The following LOC728392 variants were observed in gnomAD, a reference collection of about 807,000 sequenced individuals.
chr17:5,499,795 T>G, the LOC728392 span: 1 of 985,522 alleles, frequency 1.0e-6, no homozygotes, highest in Non-Finnish European at 1.2e-6. Context: ...GCCCCCAGAG[T>G]CTCATCCTCA....
At chr17:5,500,443 T>C in the LOC728392 span, 1 of 1,138,802 alleles carries the variant, frequency 8.8e-7, no homozygotes, top group African/African-American at 1.7e-5. This position sits in a 1 kb window ranked among gnomAD's most constrained non-coding sequence, Gnocchi z 5.4. Context: ...TTCGTACTGA[T>C]AGACAAAGAT....
chr17:5,500,851 C>A, the LOC728392 span: 1 of 1,228,922 alleles, frequency 8.1e-7, no homozygotes, highest in South Asian at 1.4e-5. The surrounding 1 kb of genome is among the most constrained non-coding windows in gnomAD (Gnocchi z 5.4). Flanking sequence ...CCGCGGGCAG[C>A]GGGAGGGTCT....
the LOC728392 span, chr17:5,499,445 ATAAT>A: frequency 6.6e-6 from 1 of 152,242 alleles, no homozygotes; most frequent in Admixed American, 6.5e-5. Flanking sequence ...ACTGAAAAAG[ATAAT>A]TTATTCCATC....
At chr17:5,500,258 A>G in the LOC728392 span, 1 of 998,110 alleles carries the variant, frequency 1.0e-6, no homozygotes, top group Non-Finnish European at 1.2e-6. This position sits in a 1 kb window ranked among gnomAD's most constrained non-coding sequence, Gnocchi z 5.4. Flanking sequence ...TGAGCTCCCC[A>G]AACACAAAAT....
chr17:5,500,000 G>A, the LOC728392 span: 12 of 986,006 alleles, frequency 1.2e-5, 1 homozygote, highest in South Asian at 3.8e-4. Flanking sequence ...CCCTGGGGGC[G>A]CAGCACGACA....
At chr17:5,500,288 C>T in the LOC728392 span, 436 of 999,448 alleles carry the variant, frequency 4.4e-4, 1 homozygote, top group Non-Finnish European at 4.7e-4. This position sits in a 1 kb window ranked among gnomAD's most constrained non-coding sequence, Gnocchi z 5.4. Context: ...CCTGCGCGTG[C>T]CCCCACGTCA....
the LOC728392 span, chr17:5,500,360 T>C: frequency 3.8e-6 from 4 of 1,048,320 alleles, no homozygotes; most frequent in African/African-American, 7.0e-5. This position sits in a 1 kb window ranked among gnomAD's most constrained non-coding sequence, Gnocchi z 5.4. Context: ...ACCCCAAAAT[T>C]CTAAACGCCT....
At chr17:5,500,315 C>T in the LOC728392 span, 4 of 1,042,554 alleles carry the variant, frequency 3.8e-6, no homozygotes, top group Non-Finnish European at 4.6e-6. This position sits in a 1 kb window ranked among gnomAD's most constrained non-coding sequence, Gnocchi z 5.4. Flanking sequence ...GGTAGGGGTC[C>T]AGGGGCATTC....
the LOC728392 span, chr17:5,499,677 T>C: frequency 2.6e-6 from 2 of 766,690 alleles, no homozygotes; most frequent in Non-Finnish European, 1.6e-6. Flanking sequence ...CAATGAGAAA[T>C]CCCTCAGCCC....
At chr17:5,501,002 G>C in the LOC728392 span, 2 of 1,182,304 alleles carry the variant, frequency 1.7e-6, no homozygotes, top group Non-Finnish European at 2.2e-6. Flanking sequence ...GGGTCAGAGC[G>C]CAGTGGGCGG....
chr17:5,499,974 C>T, the LOC728392 span: 2 of 985,970 alleles, frequency 2.0e-6, no homozygotes, highest in South Asian at 4.7e-5. Flanking sequence ...AACACACAGT[C>T]GTGGTCAGCC....
chr17:5,500,149 C>G, the LOC728392 span: 4 of 986,922 alleles, frequency 4.1e-6, no homozygotes, highest in African/African-American at 7.0e-5. This position sits in a 1 kb window ranked among gnomAD's most constrained non-coding sequence, Gnocchi z 5.4. Flanking sequence ...TCCGGCCCAC[C>G]CCGGGCCAGG....
the LOC728392 span, chr17:5,499,866 C>G: frequency 2.0e-6 from 2 of 985,860 alleles, no homozygotes; most frequent in African/African-American, 3.5e-5. Flanking sequence ...TCCCGCGAGT[C>G]CCGGACACTT....
At chr17:5,499,745 A>G in the LOC728392 span, 2 of 983,344 alleles carry the variant, frequency 2.0e-6, no homozygotes, top group Non-Finnish European at 2.4e-6. Context: ...AAGCCATCCT[A>G]GAGTCCCCAA....
At chr17:5,500,889 T>C in the LOC728392 span, 15 of 1,258,994 alleles carry the variant, frequency 1.2e-5, no homozygotes, top group Non-Finnish European at 1.6e-5. This position sits in a 1 kb window ranked among gnomAD's most constrained non-coding sequence, Gnocchi z 5.4. Context: ...AAACAGGCCT[T>C]CGGACTCGGG....
the LOC728392 span, chr17:5,500,349 C>A: frequency 9.5e-7 from 1 of 1,047,600 alleles, no homozygotes; most frequent in African/African-American, 1.7e-5. This position sits in a 1 kb window ranked among gnomAD's most constrained non-coding sequence, Gnocchi z 5.4. Context: ...GGCTCAATCA[C>A]ACCCCAAAAT....
the LOC728392 span, chr17:5,500,979 G>A: frequency 1.6e-6 from 2 of 1,232,634 alleles, no homozygotes; most frequent in South Asian, 1.3e-5. This position sits in a 1 kb window ranked among gnomAD's most constrained non-coding sequence, Gnocchi z 5.4. Context: ...GGGTAGGTGG[G>A]TCAGCCGGGT....
chr17:5,499,982 G>A, the LOC728392 span: 1 of 986,090 alleles, frequency 1.0e-6, no homozygotes, highest in East Asian at 1.1e-4. Flanking sequence ...GTCGTGGTCA[G>A]CCGGAGCCCC....
the LOC728392 span, chr17:5,500,292 C>G: frequency 4.1e-4 from 415 of 1,000,290 alleles, 5 homozygotes; most frequent in African/African-American, 6.9e-3. This position sits in a 1 kb window ranked among gnomAD's most constrained non-coding sequence, Gnocchi z 5.4. Context: ...CGCGTGCCCC[C>G]ACGTCACAGA....
Sources: allele counts gnomAD v4.1 joint callset, GRCh38; gene constraint gnomAD v4.1.1; non-coding constraint Gnocchi (gnomAD v3.1); transcripts MANE v1.5.